Variants in ERBB4 observed in about 807,000 individuals in gnomAD.
ERBB4 encodes receptor tyrosine-protein kinase erbB-4.
ERBB4 carries 42 observed loss-of-function variants against 158.0 expected under a neutral mutation model. That is an observed-to-expected ratio of 0.27 (90% CI 0.21 to 0.34). ERBB4 has a LOEUF of 0.34. Ranked by LOEUF, ERBB4 falls within the 10% of genes least tolerant of loss-of-function variation. ERBB4 has a pLI of 1.00. For missense variants in ERBB4, 1,333 were observed against 1,624.1 expected, an observed-to-expected ratio of 0.82 and a Z score of 3.08; for synonymous variants, 583 against 558.7, an observed-to-expected ratio of 1.04 and a Z score of -0.61.
intron 2 of ERBB4, among the ~76,000 whole-genome samples, chr2:212,028,938 C>A (rs1004340324): frequency 5.3e-5 from 8 of 152,148 alleles, no homozygotes; most frequent in Non-Finnish European, 1.2e-4. Context: ...GGGGCTTAGA[C>A]ACCACACCAA....
intron 20 of ERBB4, among the ~76,000 whole-genome samples, chr2:211,519,054 C>G (rs1161943833): frequency 6.6e-6 from 1 of 151,932 alleles, no homozygotes; most frequent in African/African-American, 2.4e-5. Flanking sequence ...GGCAAAGACC[C>G]CTGCATTTTC....
chr2:211,842,730 C>A (rs1478828571), intron 3 of ERBB4, among the ~76,000 whole-genome samples: 2 of 152,050 alleles, frequency 1.3e-5, no homozygotes, highest in Non-Finnish European at 2.9e-5. Context: ...AGATTTAATT[C>A]TCTATTTTGA....
intron 3 of ERBB4, among the ~76,000 whole-genome samples, chr2:211,853,650 C>T (rs71422760): frequency 0.039 from 5,937 of 152,130 alleles, 177 homozygotes; most frequent in Non-Finnish European, 0.054. Context: ...TAAGCAGAAA[C>T]AAGCATTCCC....
At chr2:212,274,906 A>T (rs2085471571) in intron 1 of ERBB4, among the ~76,000 whole-genome samples, 1 of 151,764 alleles carries the variant, frequency 6.6e-6, no homozygotes, top group Admixed American at 6.6e-5. Context: ...ATTTCTCCTA[A>T]TGCTATCCCT....
chr2:211,793,461 TCAGAC>T (rs2076319908), intron 3 of ERBB4, among the ~76,000 whole-genome samples: 2 of 151,932 alleles, frequency 1.3e-5, no homozygotes, highest in African/African-American at 4.8e-5. Context: ...AATGCATATG[TCAGAC>T]TTATACTATC....
At chr2:212,310,473 ACTC>A (rs1259116318) in intron 1 of ERBB4, among the ~76,000 whole-genome samples, 5 of 150,352 alleles carry the variant, frequency 3.3e-5, no homozygotes, top group African/African-American at 1.2e-4. Context: ...AATATTTTTT[ACTC>A]CTTACAGCTT....
chr2:212,253,857 G>A (rs534474654), intron 1 of ERBB4, among the ~76,000 whole-genome samples: 1 of 152,238 alleles, frequency 6.6e-6, no homozygotes, highest in South Asian at 2.1e-4. Flanking sequence ...TCCACATGGT[G>A]TAGCCTACTA....
At chr2:212,404,931 C>T (rs904727114) in intron 1 of ERBB4, among the ~76,000 whole-genome samples, 3 of 152,026 alleles carry the variant, frequency 2.0e-5, no homozygotes, top group Non-Finnish European at 4.4e-5. Context: ...CATTAGTTTG[C>T]TAAGTATAAT....
At chr2:211,392,608 A>G (rs1196176181) in intron 25 of ERBB4, among the ~76,000 whole-genome samples, 1 of 147,914 alleles carries the variant, frequency 6.8e-6, no homozygotes, top group Non-Finnish European at 1.5e-5. Context: ...ACACCCCAAT[A>G]ATGACTCTAT....
chr2:212,380,604 C>T lies in ERBB4; in HGVS notation c.82+157845G>A, dbSNP rs1242833856. On this transcript the variant is annotated intron_variant, in intron 1 of 27. Coordinates refer to ENST00000342788, the MANE Select transcript of ERBB4 (RefSeq NM_005235.3). ...GATAGTGTACTTGATAAAAAATACA[C>T]TTAAGTTATACTTAAATATATTTCA... 2.0e-5 allele frequency among the ~76,000 whole-genome samples: 3 copies of T among 150,710 alleles called. No individual in the cohort carries two copies. The East Asian group carries it at 5.8e-4, about 29-fold the overall frequency.
At chr2:211,781,796 A>G (rs534092843) in intron 4 of ERBB4, among the ~76,000 whole-genome samples, 2 of 152,062 alleles carry the variant, frequency 1.3e-5, no homozygotes, top group South Asian at 2.1e-4. Context: ...CTCCTGGGCA[A>G]AAAAAAAGAA....
At chr2:212,459,613 A>G (rs1220119028) in intron 1 of ERBB4, among the ~76,000 whole-genome samples, 1 of 152,158 alleles carries the variant, frequency 6.6e-6, no homozygotes, top group Non-Finnish European at 1.5e-5. Flanking sequence ...ATGGAACCAC[A>G]AAAGACCTCA....
chr2:211,560,865 A>C (rs1454059270), intron 20 of ERBB4, among the ~76,000 whole-genome samples: 1 of 152,160 alleles, frequency 6.6e-6, no homozygotes, highest in Non-Finnish European at 1.5e-5. Flanking sequence ...AATTATGTCA[A>C]ATTTCTTTTT....
intron 3 of ERBB4, among the ~76,000 whole-genome samples, chr2:211,922,630 A>AACAC (rs2079887632): frequency 6.6e-6 from 1 of 152,148 alleles, no homozygotes; most frequent in Non-Finnish European, 1.5e-5. Context: ...ATACATTGTT[A>AACAC]ATTGTACATT....
intron 1 of ERBB4, among the ~76,000 whole-genome samples, chr2:212,374,586 GTCAGT>G (rs2090255859): frequency 6.6e-6 from 1 of 151,680 alleles, no homozygotes; most frequent in East Asian, 1.9e-4. Context: ...GTTTTAATGA[GTCAGT>G]CTAACTGAAA....
At chr2:212,182,278 C>G (rs372421533) in intron 1 of ERBB4, among the ~76,000 whole-genome samples, 5 of 151,904 alleles carry the variant, frequency 3.3e-5, no homozygotes, top group Admixed American at 6.6e-5. Flanking sequence ...AGGTCATTTG[C>G]AAATCACTGG....
At chr2:211,448,017 G>A (rs2064154764) in intron 20 of ERBB4, among the ~76,000 whole-genome samples, 1 of 152,062 alleles carries the variant, frequency 6.6e-6, no homozygotes, top group South Asian at 2.1e-4. Context: ...CTGTCACCCA[G>A]GATGGAGTGC....
intron 1 of ERBB4, among the ~76,000 whole-genome samples, chr2:212,410,427 T>C (rs911453223): frequency 5.3e-5 from 8 of 152,058 alleles, no homozygotes; most frequent in Admixed American, 4.6e-4. Flanking sequence ...CATATGTATG[T>C]ATAAATATGG....
At chr2:211,754,300 C>T (rs7605314) in intron 4 of ERBB4, among the ~76,000 whole-genome samples, 106,870 of 152,056 alleles carry the variant, frequency 0.7, 38,470 homozygotes, top group African/African-American at 0.87. Flanking sequence ...TTCTAGAATA[C>T]GTAAATGAGA....
Sources: allele counts gnomAD v4.1 joint callset (sites outside exome capture counted in the v4.1 genomes callset), GRCh38; gene constraint gnomAD v4.1.1; transcripts MANE v1.5; gene names NCBI Gene and HGNC (gene_info 2026-07-23, HGNC 2026-07-21).